Variants in ATP8A2 observed in about 807,000 individuals in gnomAD.
The protein encoded by ATP8A2 is phospholipid-transporting ATPase IB.
A neutral mutation model predicts 165.6 loss-of-function variants in ATP8A2; 100 were observed. The observed-to-expected ratio is 0.60, with a 90% CI of 0.51 to 0.71. The LOEUF (loss-of-function observed/expected upper bound fraction) is 0.71. Among genes scored for constraint, ATP8A2 ranks in the 30% least tolerant of loss-of-function variants. The probability of loss-of-function intolerance (pLI) is 0.00; values close to 1 mark genes in which losing one functional copy is unlikely to be tolerated. For synonymous variants in ATP8A2, 543 were observed against 548.8 expected, an observed-to-expected ratio of 0.99 and a Z score of 0.15; for missense variants, 1,227 against 1,479.5, an observed-to-expected ratio of 0.83 and a Z score of 2.80.
intron 33 of ATP8A2, among the ~76,000 whole-genome samples, chr13:25,896,439 T>A (rs1335257345): frequency 2.0e-5 from 3 of 152,104 alleles, no homozygotes; most frequent in East Asian, 1.9e-4. Context: ...TGCTGAGGAG[T>A]GCTTTACTTC....
At chr13:25,430,245 G>C (rs1007744426) in intron 1 of ATP8A2, among the ~76,000 whole-genome samples, 5 of 152,028 alleles carry the variant, frequency 3.3e-5, no homozygotes, top group Admixed American at 3.3e-4. Flanking sequence ...CGAATGTGCA[G>C]CCTGAGACGG....
intron 1 of ATP8A2, among the ~76,000 whole-genome samples, chr13:25,457,346 C>T (rs12431142): frequency 6.6e-6 from 1 of 151,952 alleles, no homozygotes; most frequent in Non-Finnish European, 1.5e-5. Flanking sequence ...AAATGCCACT[C>T]TCATTTATAT....
intron 27 of ATP8A2, among the ~76,000 whole-genome samples, chr13:25,782,864 C>G (rs141147927): frequency 6.6e-6 from 1 of 152,012 alleles, no homozygotes; most frequent in South Asian, 2.1e-4. Flanking sequence ...CTCAGCCTCC[C>G]GAGTAGCTGG....
intron 24 of ATP8A2, among the ~76,000 whole-genome samples, chr13:25,660,865 T>C (rs1446608528): frequency 9.9e-5 from 15 of 152,160 alleles, no homozygotes; most frequent in Non-Finnish European, 1.5e-5. Context: ...GACTCTTTCC[T>C]GTTTGGCTTC....
intron 2 of ATP8A2, among the ~76,000 whole-genome samples, chr13:25,518,115 GGT>G (rs2037537876): frequency 6.6e-6 from 1 of 152,318 alleles, no homozygotes; most frequent in African/African-American, 2.4e-5. Flanking sequence ...TGCATTTGGT[GGT>G]GTTGCTCTTG....
chr13:25,513,561 C>T (rs911572083), intron 2 of ATP8A2, among the ~76,000 whole-genome samples: 6 of 152,024 alleles, frequency 3.9e-5, no homozygotes, highest in African/African-American at 9.7e-5. Flanking sequence ...GGGTGGCGGC[C>T]GGGCAGAGGC....
chr13:25,777,419 A>G (rs956469008), intron 27 of ATP8A2, among the ~76,000 whole-genome samples: 2 of 152,336 alleles, frequency 1.3e-5, no homozygotes, highest in Admixed American at 6.5e-5. Flanking sequence ...AAGATCAAAG[A>G]TTATTGTAAG....
intron 27 of ATP8A2, among the ~76,000 whole-genome samples, chr13:25,802,002 T>C (rs997598882): frequency 1.3e-5 from 2 of 152,044 alleles, no homozygotes; most frequent in African/African-American, 2.4e-5. Flanking sequence ...CATGATTCAA[T>C]TACCTCCCAC....
At chr13:25,585,124 A>G (rs750119567) in intron 23 of ATP8A2, among the ~76,000 whole-genome samples, 1 of 152,236 alleles carries the variant, frequency 6.6e-6, no homozygotes, top group Non-Finnish European at 1.5e-5. Flanking sequence ...GTATGTAGAT[A>G]GACAATCATC....
At chr13:25,567,388 A>G (rs1200077801) in intron 16 of ATP8A2, 2 of 456,504 alleles carry the variant, frequency 4.4e-6, no homozygotes, top group African/African-American at 2.0e-5. Context: ...AAGAAATCCC[A>G]CTGTTTATAT....
intron 33 of ATP8A2, among the ~76,000 whole-genome samples, chr13:25,900,501 A>G (rs1310469620): frequency 6.6e-6 from 1 of 152,200 alleles, no homozygotes; most frequent in Non-Finnish European, 1.5e-5. Context: ...TCGCAGTTTC[A>G]GATGATTGGC....
At chr13:25,532,735 T>C (rs1341209749) in intron 5 of ATP8A2, among the ~76,000 whole-genome samples, 2 of 152,240 alleles carry the variant, frequency 1.3e-5, no homozygotes, top group East Asian at 3.9e-4. Flanking sequence ...GGCATGATCA[T>C]GGCTCACTGT....
intron 35 of ATP8A2, among the ~76,000 whole-genome samples, chr13:25,971,348 C>G (rs1381519347): frequency 6.6e-6 from 1 of 151,976 alleles, no homozygotes; most frequent in Admixed American, 6.6e-5. Context: ...TTCTTTCACA[C>G]CTGCTTAGAT....
intron 27 of ATP8A2, among the ~76,000 whole-genome samples, chr13:25,799,593 G>A (rs930263697): frequency 5.9e-5 from 9 of 152,188 alleles, no homozygotes; most frequent in African/African-American, 1.2e-4. Flanking sequence ...AGTCTTCCAC[G>A]TTGGAGGGCA....
intron 23 of ATP8A2, among the ~76,000 whole-genome samples, chr13:25,587,713 G>A (rs1031129999): frequency 6.6e-6 from 1 of 152,150 alleles, no homozygotes; most frequent in African/African-American, 2.4e-5. Context: ...GATTAAAGTT[G>A]CAATATCCCT....
intron 27 of ATP8A2, among the ~76,000 whole-genome samples, chr13:25,778,628 A>G (rs2044796484): frequency 6.6e-6 from 1 of 152,116 alleles, no homozygotes; most frequent in Non-Finnish European, 1.5e-5. Flanking sequence ...GTCTGGCACA[A>G]TGTCTGGAAT....
At chr13:25,852,813 A>T (rs914140317) in intron 30 of ATP8A2, among the ~76,000 whole-genome samples, 1 of 151,604 alleles carries the variant, frequency 6.6e-6, no homozygotes, top group Non-Finnish European at 1.5e-5. Flanking sequence ...CTGAGACAGG[A>T]GGATCACTTG....
At chr13:25,954,655 G>A (rs1013560045) in intron 33 of ATP8A2, among the ~76,000 whole-genome samples, 2 of 152,214 alleles carry the variant, frequency 1.3e-5, no homozygotes, top group Admixed American at 6.5e-5. Context: ...TGAAGCTTCT[G>A]GAGGAAGGAA....
At chr13:25,556,431 A>G (rs1013754966) in intron 13 of ATP8A2, among the ~76,000 whole-genome samples, 3 of 151,880 alleles carry the variant, frequency 2.0e-5, no homozygotes, top group East Asian at 3.9e-4. Flanking sequence ...ATGTCTGTTC[A>G]TGTCTTTTGC....
Sources: allele counts gnomAD v4.1 joint callset (sites outside exome capture counted in the v4.1 genomes callset), GRCh38; gene constraint gnomAD v4.1.1; transcripts MANE v1.5; gene names NCBI Gene and HGNC (gene_info 2026-07-23, HGNC 2026-07-21).